The following MYO1E variants were observed in gnomAD, a reference collection of about 807,000 sequenced individuals.
The protein encoded by MYO1E is unconventional myosin-Ie.
Under a neutral mutation model 151.1 loss-of-function variants are expected in MYO1E, and 68 were observed. The observed-to-expected ratio is 0.45, with a 90% CI of 0.37 to 0.55. The LOEUF (loss-of-function observed/expected upper bound fraction) is 0.55, where lower values mean the gene tolerates loss of function less well. Ranked by LOEUF, MYO1E falls within the 20% of genes least tolerant of loss-of-function variation. The pLI is 0.00. For missense variants in MYO1E, 1,363 were observed against 1,389.3 expected (o/e 0.98, Z 0.30); for synonymous variants, 601 against 501.7 (o/e 1.20, Z -2.64).
intron 1 of MYO1E, among the ~76,000 whole-genome samples, chr15:59,306,228 T>C (rs181715549): frequency 1.8e-4 from 27 of 152,348 alleles, no homozygotes; most frequent in African/African-American, 6.5e-4. Context: ...AAAAAATCTG[T>C]TGTAGATTAT....
rs1387221793 is a variant in MYO1E, at chr15:59,350,342, C to A, written c.3+22156G>T. On this transcript the variant is annotated intron_variant, in intron 1 of 27. Coordinates refer to ENST00000288235, the MANE Select transcript of MYO1E (RefSeq NM_004998.4). This position sits in a 1 kb window ranked among gnomAD's most constrained non-coding sequence, Gnocchi z 5.0. ...GATACACTGACTCACAGTTTCATTA[C>A]CTTCTATTCACCATGACTGTAGTCG... 6.6e-6 allele frequency among the ~76,000 whole-genome samples: 1 copy of A among 152,206 alleles called. No individual in the cohort carries two copies. The highest frequency in any genetic ancestry group is 2.4e-5 in the African/African-American group (1 of 41,458).
At chr15:59,268,961 A>G (rs1355039291) in intron 2 of MYO1E, among the ~76,000 whole-genome samples, 4 of 151,882 alleles carry the variant, frequency 2.6e-5, no homozygotes, top group Admixed American at 1.3e-4. Flanking sequence ...AAAAAACCGT[A>G]TTTCCATCTT....
At chr15:59,167,674 T>TTTTA (rs1297286442) in intron 22 of MYO1E, among the ~76,000 whole-genome samples, 10 of 152,190 alleles carry the variant, frequency 6.6e-5, no homozygotes, top group African/African-American at 2.4e-4. Flanking sequence ...TCACTTTAAT[T>TTTTA]TTTATTTATT....
intron 1 of MYO1E, among the ~76,000 whole-genome samples, chr15:59,277,504 C>T (rs2080326069): frequency 6.8e-6 from 1 of 147,966 alleles, no homozygotes; most frequent in African/African-American, 2.6e-5. Flanking sequence ...GAGATCGGGC[C>T]ACTGCACTCC....
Position 59,372,798 on chromosome 15 carries a change from G to C in MYO1E, c.-298C>G. The C allele has an allele frequency of 2.0e-6, 1 of 504,816 alleles. No homozygotes were observed. Among genetic ancestry groups the C allele is most frequent in the Non-Finnish European group, 3.5e-6 (1 of 286,378 alleles). The allele number at this position is 504,816 out of a possible 1,614,324, so 31.3% of individuals were successfully genotyped here. On this transcript the variant is annotated 5_prime_UTR_variant, in exon 1 of 28. Coordinates refer to ENST00000288235, the MANE Select transcript of MYO1E (RefSeq NM_004998.4). ...GGCCCAGGTGAGTCCGATGCGCTCG[G>C]AGCGTCCGCCTCGCTCCCCTGCCTC...
intron 1 of MYO1E, among the ~76,000 whole-genome samples, chr15:59,273,095 G>A (rs570626061): frequency 9.9e-5 from 15 of 152,278 alleles, no homozygotes; most frequent in African/African-American, 2.2e-4. Context: ...CTCCAATAAC[G>A]AGGATGTGGA....
At chr15:59,229,327 C>T (rs760821139) in intron 6 of MYO1E, among the ~76,000 whole-genome samples, 4 of 152,060 alleles carry the variant, frequency 2.6e-5, no homozygotes, top group Admixed American at 1.3e-4. Flanking sequence ...GACCAGGGCC[C>T]GGAGCTGTGT....
At chr15:59,343,758 A>C (rs1328177996) in intron 1 of MYO1E, among the ~76,000 whole-genome samples, 1 of 151,802 alleles carries the variant, frequency 6.6e-6, no homozygotes, top group Non-Finnish European at 1.5e-5. Context: ...CAAGCTCACT[A>C]ATTCTTTCTT....
chr15:59,195,701 A>C, intron 16 of MYO1E, 134 bp from the exon 17 acceptor site: 1 of 901,748 alleles, frequency 1.1e-6, no homozygotes, highest in Non-Finnish European at 1.8e-6. Context: ...CTCGTTAAGC[A>C]TAACTCAGGT....
At chr15:59,201,154 C>A (rs1298640872) in intron 16 of MYO1E, among the ~76,000 whole-genome samples, 1 of 149,714 alleles carries the variant, frequency 6.7e-6, no homozygotes, top group Admixed American at 6.7e-5. Context: ...GTCCCCCAGG[C>A]TGGAGCAATC....
At chr15:59,202,477 G>A in intron 15 of MYO1E, 70 bp from the exon 16 acceptor site, 1 of 1,429,414 alleles carries the variant, frequency 7.0e-7, no homozygotes, top group Non-Finnish European at 9.9e-7. Context: ...TGCCTTTCTA[G>A]AGGATGGGGT....
At chr15:59,271,759 C>A (rs1468915225) in intron 2 of MYO1E, among the ~76,000 whole-genome samples, 1 of 152,208 alleles carries the variant, frequency 6.6e-6, no homozygotes, top group African/African-American at 2.4e-5. Flanking sequence ...ATTTTTAAGT[C>A]TTTTAAGTGC....
At chr15:59,152,065 T>TA (rs879769310) in intron 26 of MYO1E, among the ~76,000 whole-genome samples, 147 of 139,814 alleles carry the variant, frequency 1.1e-3, no homozygotes, top group Middle Eastern at 7.3e-3. Flanking sequence ...AGACTCCGTC[T>TA]AAAAAAAAAA....
chr15:59,339,879 GCT>G (rs2080753448), intron 1 of MYO1E, among the ~76,000 whole-genome samples: 2 of 138,448 alleles, frequency 1.4e-5, no homozygotes, highest in African/African-American at 5.5e-5. Flanking sequence ...ACAGAGTCTT[GCT>G]CTGTCGCCTA....
At chr15:59,223,030 T>C (rs1478738720) in intron 9 of MYO1E, 29 bp downstream of exon 9, 2 of 1,613,342 alleles carry the variant, frequency 1.2e-6, no homozygotes, top group Non-Finnish European at 1.7e-6. Flanking sequence ...CCACCCCTCA[T>C]TCAATGGCCA....
rs545063800 is a variant in MYO1E at position 59,360,615 on chromosome 15, T to C, written c.3+11883A>G. 3.2e-4 allele frequency among the ~76,000 whole-genome samples: 49 copies of C among 152,332 alleles called. 1 individual carries two copies. The highest frequency in any genetic ancestry group is 9.6e-4 in the African/African-American group (40 of 41,574). ...AGCAGATAGAAAATGATTTTCCTTCTTGTTGTTAGCTTCTGTTTTTGCCCT... is the reference window on the plus strand; with the variant it reads ...AGCAGATAGAAAATGATTTTCCTTCCTGTTGTTAGCTTCTGTTTTTGCCCT... On this transcript the variant is annotated intron_variant, in intron 1 of 27. Transcript: ENST00000288235.
chr15:59,233,969 T>C (rs1173486964), intron 5 of MYO1E, among the ~76,000 whole-genome samples: 1 of 152,156 alleles, frequency 6.6e-6, no homozygotes, highest in Admixed American at 6.5e-5. Flanking sequence ...TAAATAATAC[T>C]GTTTTAAAAA....
rs573859152 is a variant in MYO1E, at chr15:59,347,712, C to T, written c.3+24786G>A. ...TGAATTTAACATAAGATAAAGGTGGCACTTCACAACAGGAGACAAAGAATG... is the reference window on the plus strand; with the variant it reads ...TGAATTTAACATAAGATAAAGGTGGTACTTCACAACAGGAGACAAAGAATG... On this transcript the variant is annotated intron_variant, in intron 1 of 27. Transcript: ENST00000288235. Among the ~76,000 whole-genome samples the T allele has an allele frequency of 9.4e-4, 143 of 152,098 alleles. 1 individual carries two copies. The Middle Eastern group carries it at 0.014, about 15-fold the overall frequency.
chr15:59,285,662 A>T (rs2080383599), intron 1 of MYO1E, among the ~76,000 whole-genome samples: 1 of 152,020 alleles, frequency 6.6e-6, no homozygotes, highest in Admixed American at 6.6e-5. Context: ...CACTGTCTTT[A>T]AAAAAAATAA....
Sources: gnomAD v4.1 joint callset for allele counts (sites outside exome capture counted in the v4.1 genomes callset) on GRCh38, gnomAD v4.1.1 for gene constraint, Gnocchi (gnomAD v3.1) non-coding constraint, MANE v1.5 for transcripts, NCBI Gene and HGNC (gene_info 2026-07-23, HGNC 2026-07-21) for gene names.